The following TEX9 variants were observed in gnomAD, a reference collection of about 807,000 sequenced individuals.
TEX9 encodes testis expressed 9, also known as testis-expressed protein 9.
Under a neutral mutation model 59.6 loss-of-function variants are expected in TEX9, and 74 were observed. The observed-to-expected ratio is 1.24, with a 90% confidence interval of 1.03 to 1.51. The LOEUF (loss-of-function observed/expected upper bound fraction) is 1.51, where lower values mean the gene tolerates loss of function less well. Among genes scored for constraint, TEX9 ranks in the 40% most tolerant of loss-of-function variants. The probability of loss-of-function intolerance (pLI) is 0.00; values close to 1 mark genes in which losing one functional copy is unlikely to be tolerated. For synonymous variants in TEX9, 186 were observed against 152.2 expected, an observed-to-expected ratio of 1.22 and a Z score of -1.64; for missense variants, 522 against 447.8, an observed-to-expected ratio of 1.17 and a Z score of -1.49.
intron 1 of TEX9, among the ~76,000 whole-genome samples, chr15:56,301,639 T>C (rs1318142384): frequency 1.3e-5 from 2 of 151,590 alleles, no homozygotes; most frequent in African/African-American, 4.8e-5. Flanking sequence ...AGTGGAATGA[T>C]GTTAAAGTGC....
At chr15:56,441,810 C>T (rs112891000) in intron 12 of TEX9, among the ~76,000 whole-genome samples, 2 of 151,978 alleles carry the variant, frequency 1.3e-5, no homozygotes, top group Non-Finnish European at 2.9e-5. Flanking sequence ...GTCAGGAGAT[C>T]GAGACCATCC....
intron 1 of TEX9, among the ~76,000 whole-genome samples, chr15:56,271,389 C>G (rs560864963): frequency 6.6e-6 from 1 of 152,256 alleles, no homozygotes; most frequent in South Asian, 2.1e-4. Flanking sequence ...TTAATTTCAT[C>G]TTGAATCACT....
At chr15:56,414,665 C>T (rs2049582037) in intron 10 of TEX9, among the ~76,000 whole-genome samples, 1 of 151,748 alleles carries the variant, frequency 6.6e-6, no homozygotes, top group Non-Finnish European at 1.5e-5. Flanking sequence ...TAGTTGATTC[C>T]ATGTCCTTGC....
intron 1 of TEX9, among the ~76,000 whole-genome samples, chr15:56,277,333 C>T (rs1596060871): frequency 2.0e-5 from 3 of 152,244 alleles, no homozygotes; most frequent in Middle Eastern, 3.4e-3. Context: ...TTTAATCCAT[C>T]TTGAGTTAAT....
chr15:56,325,881 T>G (rs1396457526), intron 1 of TEX9, among the ~76,000 whole-genome samples: 3 of 152,212 alleles, frequency 2.0e-5, no homozygotes, highest in African/African-American at 7.2e-5. Context: ...CCTCTACGTT[T>G]TGTGACTGTG....
At chr15:56,324,382 G>T (rs1037863994) in intron 1 of TEX9, among the ~76,000 whole-genome samples, 1 of 152,120 alleles carries the variant, frequency 6.6e-6, no homozygotes, top group Non-Finnish European at 1.5e-5. Flanking sequence ...GGATATATGT[G>T]TATAATTTTA....
intron 1 of TEX9, among the ~76,000 whole-genome samples, chr15:56,305,168 C>G (rs1436560961): frequency 6.6e-6 from 1 of 152,024 alleles, no homozygotes; most frequent in African/African-American, 2.4e-5. Context: ...GTTCATGGAT[C>G]GGAAGAGTTA....
At chr15:56,245,525 G>T (rs746151864) in intron 1 of TEX9, among the ~76,000 whole-genome samples, 2 of 152,182 alleles carry the variant, frequency 1.3e-5, no homozygotes, top group African/African-American at 2.4e-5. Context: ...CTTCATGTGG[G>T]TGTGTAAAGA....
intron 1 of TEX9, among the ~76,000 whole-genome samples, chr15:56,321,295 C>G (rs2045895885): frequency 6.6e-6 from 1 of 152,100 alleles, no homozygotes; most frequent in Non-Finnish European, 1.5e-5. Flanking sequence ...GAACCAAGGC[C>G]AGAGCACAGA....
intron 12 of TEX9, among the ~76,000 whole-genome samples, chr15:56,436,110 T>C (rs189489303): frequency 2.0e-5 from 3 of 152,280 alleles, no homozygotes; most frequent in South Asian, 2.1e-4. Context: ...GCAGACCTAA[T>C]AGACATCTAC....
At chr15:56,331,627 C>G (rs2046147025) in intron 1 of TEX9, among the ~76,000 whole-genome samples, 1 of 151,958 alleles carries the variant, frequency 6.6e-6, no homozygotes, top group Non-Finnish European at 1.5e-5. Context: ...ACACACCATG[C>G]CAAAACCTAT....
chr15:56,391,442 T>A, intron 7 of TEX9, 24 bp downstream of exon 7: 1 of 1,457,228 alleles, frequency 6.9e-7, no homozygotes. Flanking sequence ...AGTTTTTTAT[T>A]TTTATCTTTA....
At chr15:56,267,998 A>C (rs544121583) in intron 1 of TEX9, among the ~76,000 whole-genome samples, 10 of 151,978 alleles carry the variant, frequency 6.6e-5, no homozygotes, top group South Asian at 4.2e-4. Flanking sequence ...CTTTTATTTC[A>C]TTGAGCAGTG....
chr15:56,383,862 A>G, intron 3 of TEX9, 90 bp from the exon 4 acceptor site: 2 of 898,970 alleles, frequency 2.2e-6, no homozygotes, highest in Non-Finnish European at 1.7e-6. Flanking sequence ...ACAATTCTGA[A>G]ATGATGAATG....
At chr15:56,334,925 G>A (rs565776154) in intron 1 of TEX9, among the ~76,000 whole-genome samples, 2 of 152,040 alleles carry the variant, frequency 1.3e-5, no homozygotes, top group African/African-American at 4.8e-5. Context: ...AAACATCAGA[G>A]AAATGCAAAT....
intron 4 of TEX9, 124 bp from the exon 5 acceptor site, chr15:56,388,348 T>C (rs1567115296): frequency 1.4e-6 from 1 of 705,738 alleles, no homozygotes; most frequent in Non-Finnish European, 2.3e-6. Context: ...TGTGGGTAAC[T>C]AGAATTATAG....
chr15:56,331,144 G>C (rs1275935224), intron 1 of TEX9, among the ~76,000 whole-genome samples: 1 of 152,120 alleles, frequency 6.6e-6, no homozygotes, highest in African/African-American at 2.4e-5. Context: ...GGAGGACTTA[G>C]ATATATAAAG....
chr15:56,274,932 T>C (rs1432408320), intron 1 of TEX9, among the ~76,000 whole-genome samples: 1 of 152,218 alleles, frequency 6.6e-6, no homozygotes, highest in Non-Finnish European at 1.5e-5. Context: ...CCTCAGGTTT[T>C]AGCCTTCCCT....
intron 7 of TEX9, among the ~76,000 whole-genome samples, chr15:56,392,550 A>C (rs913066070): frequency 1.2e-4 from 19 of 152,170 alleles, no homozygotes; most frequent in African/African-American, 3.9e-4. Context: ...ACAATTCAAC[A>C]TGAGATTTGG....
Sources: allele counts gnomAD v4.1 joint callset (sites outside exome capture counted in the v4.1 genomes callset), GRCh38; gene constraint gnomAD v4.1.1; transcripts MANE v1.5; gene names NCBI Gene and HGNC (gene_info 2026-07-23, HGNC 2026-07-21).